Variants in YWHAQ observed in about 807,000 individuals in gnomAD.
YWHAQ encodes 14-3-3 protein theta.
A neutral mutation model predicts 28.3 loss-of-function variants in YWHAQ; 6 were observed. The ratio of observed to expected loss-of-function variants is 0.21; its 90% CI spans 0.12 to 0.42. The LOEUF is 0.42. Ranked by LOEUF, YWHAQ falls within the 10% of genes least tolerant of loss-of-function variation. The pLI, the probability that YWHAQ is intolerant of heterozygous loss-of-function variation, is 1.00. For synonymous variants in YWHAQ, 143 were observed against 119.1 expected (o/e 1.20, Z -1.31); for missense variants, 201 against 305.6 (o/e 0.66, Z 2.55).
intron 2 of YWHAQ, among the ~76,000 whole-genome samples, chr2:9,602,842 AAAAAAAAAAAAAAAAAAAAAATAT>A (rs1256385947): frequency 1.5e-4 from 4 of 26,586 alleles, no homozygotes; most frequent in Middle Eastern, 0.016. Flanking sequence ...AAAAAAAAAA[AAAAAAAAAAAAAAAAAAAAAATAT>A]ATATATATAT....
chr2:9,584,153 T>C lies in YWHAQ; in HGVS notation c.*1133A>G, dbSNP rs563513298. Reference sequence around the variant, plus strand: ...TGTCACAATGCACAATGTGGAAATATAGGTATCACTACTACATTTTACATA... The same window carrying C: ...TGTCACAATGCACAATGTGGAAATACAGGTATCACTACTACATTTTACATA... On this transcript the variant is annotated 3_prime_UTR_variant, in exon 6 of 6. Coordinates refer to ENST00000238081, the MANE Select transcript of YWHAQ (RefSeq NM_006826.4). The C allele has an allele frequency of 5.2e-5, 8 of 152,804 alleles. No individual in the cohort carries two copies. In the South Asian group the frequency reaches 1.4e-3, roughly 28 times the overall value. 9.5% of individuals were successfully genotyped at this position (152,804 alleles called of 1,614,324 possible).
chr2:9,596,566 C>T (rs1421249619), intron 2 of YWHAQ, among the ~76,000 whole-genome samples: 1 of 152,190 alleles, frequency 6.6e-6, no homozygotes, highest in Non-Finnish European at 1.5e-5. Context: ...TTAGCAAACA[C>T]ACTATTAACA....
At chr2:9,619,181 T>C (rs1667092529) in intron 2 of YWHAQ, among the ~76,000 whole-genome samples, 1 of 152,168 alleles carries the variant, frequency 6.6e-6, no homozygotes, top group Non-Finnish European at 1.5e-5. Context: ...CCAGGCCATT[T>C]TGATTACAAG....
At chr2:9,587,604 C>G in intron 4 of YWHAQ, 95 bp from the exon 5 acceptor site, 1 of 1,051,788 alleles carries the variant, frequency 9.5e-7, no homozygotes, top group South Asian at 1.7e-5. Flanking sequence ...AGTGAACACC[C>G]ACCTTATGTT....
Position 9,630,238 on chromosome 2 carries a change from G to A in YWHAQ, c.215C>T (p.Ser72Phe). 1 of 1,614,124 alleles carries A rather than the reference G, an allele frequency of 6.2e-7. No homozygotes were observed. Among genetic ancestry groups the A allele is most frequent in the Non-Finnish European group, 8.5e-7 (1 of 1,180,038 alleles). Reference sequence around the variant, plus strand: ...CTTAATCAGCTGCAACTTCTTGTCGGAGGTGTCGGTCTTCTGCTCGATGCT... The same window carrying A: ...CTTAATCAGCTGCAACTTCTTGTCGAAGGTGTCGGTCTTCTGCTCGATGCT... Reference protein sequence around the residue: ...ISSIEQKTDTSDKKLQLIKDY... With the variant: ...ISSIEQKTDTFDKKLQLIKDY... The change falls in exon 2 of 6, where the codon TCC (serine) becomes TTC (phenylalanine). Residue 72 changes from serine to phenylalanine, a missense_variant. By Grantham distance (155) the Ser-to-Phe change is radical. Coordinates refer to ENST00000238081, the MANE Select transcript of YWHAQ (RefSeq NM_006826.4). The surrounding 1 kb of genome is among the most constrained non-coding windows in gnomAD (Gnocchi z 5.6).
chr2:9,588,463 T>C (rs1432248322), intron 3 of YWHAQ, 135 bp from the exon 4 acceptor site: 11 of 1,052,648 alleles, frequency 1.0e-5, no homozygotes, highest in Non-Finnish European at 1.3e-5. Context: ...TTTAAAATCA[T>C]GGTAGCTAAC....
chr2:9,592,504 T>A (rs1298074362), intron 2 of YWHAQ, among the ~76,000 whole-genome samples: 1 of 152,014 alleles, frequency 6.6e-6, no homozygotes, highest in Non-Finnish European at 1.5e-5. Context: ...GGCGGGCAGA[T>A]AACAAGGTCA....
chr2:9,605,244 C>A (rs1272806460), intron 2 of YWHAQ, among the ~76,000 whole-genome samples: 1 of 150,008 alleles, frequency 6.7e-6, no homozygotes, highest in East Asian at 2.0e-4. Context: ...CTCGAGTAAT[C>A]CTCCCACCTC....
intron 2 of YWHAQ, among the ~76,000 whole-genome samples, chr2:9,606,440 C>T (rs1374939739): frequency 6.6e-6 from 1 of 151,864 alleles, no homozygotes; most frequent in Non-Finnish European, 1.5e-5. Flanking sequence ...AATAAAAAAC[C>T]TTTTCCAATC....
chr2:9,629,931 A>G (rs550294970), intron 2 of YWHAQ, among the ~76,000 whole-genome samples: 43 of 152,248 alleles, frequency 2.8e-4, no homozygotes, highest in Admixed American at 1.5e-3. Context: ...ATCGTTTGGT[A>G]GCTACCCAGC....
intron 5 of YWHAQ, among the ~76,000 whole-genome samples, chr2:9,586,661 C>T (rs964952183): frequency 2.6e-5 from 4 of 152,016 alleles, no homozygotes; most frequent in African/African-American, 7.3e-5. Flanking sequence ...TCATAATTAC[C>T]CTATTCAGCA....
At chr2:9,614,638 TAAG>T (rs1667010166) in intron 2 of YWHAQ, among the ~76,000 whole-genome samples, 1 of 152,178 alleles carries the variant, frequency 6.6e-6, no homozygotes, top group Non-Finnish European at 1.5e-5. Context: ...TGCTATATCC[TAAG>T]AAGACTACTA....
At chr2:9,623,080 C>T (rs564771747) in intron 2 of YWHAQ, among the ~76,000 whole-genome samples, 4 of 152,342 alleles carry the variant, frequency 2.6e-5, no homozygotes, top group African/African-American at 7.2e-5. Context: ...CTGAACTAAT[C>T]CCATGCTATG....
At chr2:9,610,250 G>A (rs1244651126) in intron 2 of YWHAQ, among the ~76,000 whole-genome samples, 1 of 152,170 alleles carries the variant, frequency 6.6e-6, no homozygotes, top group African/African-American at 2.4e-5. Flanking sequence ...TCACTGGTAT[G>A]ATTTAACCAA....
At chr2:9,607,909 C>T (rs377511148) in intron 2 of YWHAQ, among the ~76,000 whole-genome samples, 60 of 151,962 alleles carry the variant, frequency 3.9e-4, no homozygotes, top group African/African-American at 1.3e-3. Flanking sequence ...ACGGGGTTTT[C>T]GCCATGTCAG....
At chr2:9,593,921 T>C (rs868410874) in intron 2 of YWHAQ, among the ~76,000 whole-genome samples, 18,182 of 127,294 alleles carry the variant, frequency 0.14, 1,502 homozygotes, top group Non-Finnish European at 0.19. Context: ...TATATATATA[T>C]ATACACACAC....
At chr2:9,604,236 G>C (rs943374014) in intron 2 of YWHAQ, among the ~76,000 whole-genome samples, 1 of 152,086 alleles carries the variant, frequency 6.6e-6, no homozygotes, top group Non-Finnish European at 1.5e-5. Context: ...TAACAAACGA[G>C]AGACAGAAAA....
At chr2:9,620,466 C>A (rs994101188) in intron 2 of YWHAQ, among the ~76,000 whole-genome samples, 2 of 152,206 alleles carry the variant, frequency 1.3e-5, no homozygotes, top group African/African-American at 4.8e-5. Context: ...TTACTGCCTC[C>A]AAAAGCTGTG....
chr2:9,587,387 A>G (rs780782812), intron 5 of YWHAQ, 27 bp downstream of exon 5: 8 of 1,574,038 alleles, frequency 5.1e-6, no homozygotes, highest in Non-Finnish European at 6.9e-6. Flanking sequence ...TGAAAAGAAA[A>G]TAAAATTAAA....
Sources: gnomAD v4.1 joint callset for allele counts (sites outside exome capture counted in the v4.1 genomes callset) on GRCh38, gnomAD v4.1.1 for gene constraint, Gnocchi (gnomAD v3.1) non-coding constraint, MANE v1.5 for transcripts, NCBI Gene and HGNC (gene_info 2026-07-23, HGNC 2026-07-21) for gene names.